The following PTPRN2 variants were observed in gnomAD, a reference collection of about 807,000 sequenced individuals.
PTPRN2 encodes the protein receptor-type tyrosine-protein phosphatase N2.
PTPRN2 carries 74 observed loss-of-function variants against 118.8 expected under a neutral mutation model. The ratio of observed to expected loss-of-function variants is 0.62; its 90% confidence interval spans 0.52 to 0.76. PTPRN2 has a LOEUF of 0.76. Among genes scored for constraint, PTPRN2 ranks in the 30% least tolerant of loss-of-function variants. The pLI is 0.00. For synonymous variants in PTPRN2, 641 were observed against 608.0 expected, an observed-to-expected ratio of 1.05 and a Z score of -0.80; for missense variants, 1,481 against 1,394.4, an observed-to-expected ratio of 1.06 and a Z score of -0.99.
chr7:157,890,269 T>C (rs1207227247), intron 12 of PTPRN2, among the ~76,000 whole-genome samples: 1 of 152,188 alleles, frequency 6.6e-6, no homozygotes, highest in Non-Finnish European at 1.5e-5. Flanking sequence ...AGTGTACGTA[T>C]ATGAGTTTTA....
At chr7:158,399,640 A>G (rs773410574) in intron 2 of PTPRN2, among the ~76,000 whole-genome samples, 25 of 152,164 alleles carry the variant, frequency 1.6e-4, no homozygotes, top group Non-Finnish European at 3.7e-4. Flanking sequence ...TGGGTGATAA[A>G]GCAAGATCCT....
intron 3 of PTPRN2, among the ~76,000 whole-genome samples, chr7:158,246,546 C>T (rs1253906552): frequency 6.6e-6 from 1 of 151,112 alleles, no homozygotes; most frequent in Non-Finnish European, 1.5e-5. Context: ...CGTGGGTGGT[C>T]ATTGTCCTTG....
At position 157,874,883 on chromosome 7, in the gene PTPRN2, G is replaced by C. The variant is rs888455945; in HGVS notation, c.1788+23790C>G. Reference sequence around the variant, plus strand: ...GACACACTCGTGCACATACACACACGGAGACACACTCGTGCACATACACAC... The same window carrying C: ...GACACACTCGTGCACATACACACACCGAGACACACTCGTGCACATACACAC... On this transcript the variant is annotated intron_variant, in intron 12 of 22. Transcript: ENST00000389418. This position sits in a 1 kb window ranked among gnomAD's most constrained non-coding sequence, Gnocchi z 5.8. 2.7e-5 allele frequency among the ~76,000 whole-genome samples: 4 copies of C among 149,430 alleles called. No individual in the cohort carries two copies. The highest frequency in any genetic ancestry group is 9.9e-5 in the African/African-American group (4 of 40,454).
In PTPRN2 at chr7:157,927,465, T is replaced by G. The variant is rs112568416; in HGVS notation, c.1724-28728A>C. On this transcript the variant is annotated intron_variant, in intron 11 of 22. Transcript: ENST00000389418. ...CCAAGACAGGAAGCCCCAGGGACCC[T>G]TCTGAGAACAGAGACCTCACATCTG... Among the ~76,000 whole-genome samples, 478 of 53,274 alleles carry G rather than the reference T, an allele frequency of 9.0e-3. 2 individuals are homozygous for G. Among genetic ancestry groups the G allele is most frequent in the African/African-American group, 0.064 (403 of 6,256 alleles). The allele number at this position is 53,274 out of a possible 152,430, so 34.9% of individuals were successfully genotyped here.
At chr7:158,163,734 G>A (rs1822594643) in intron 6 of PTPRN2, among the ~76,000 whole-genome samples, 1 of 148,160 alleles carries the variant, frequency 6.7e-6, no homozygotes, top group African/African-American at 2.5e-5. Flanking sequence ...GCCTGTACCG[G>A]GTTCTCAATT....
Position 157,676,427 on chromosome 7 carries a change from C to T in PTPRN2, c.2001+6298G>A, listed in dbSNP as rs988816208. On this transcript the variant is annotated intron_variant, in intron 13 of 22. Coordinates refer to ENST00000389418, the MANE Select transcript of PTPRN2 (RefSeq NM_002847.5). This position sits in a 1 kb window ranked among gnomAD's most constrained non-coding sequence, Gnocchi z 5.6. ...TGATGCGTGGACTAATGCTGTTTAC[C>T]GCCGGTTCACTTTCATTGCAAACTC... Among the ~76,000 whole-genome samples, 4 of 152,320 alleles carry T rather than the reference C, an allele frequency of 2.6e-5. No individual in the cohort carries two copies. The highest frequency in any genetic ancestry group is 7.2e-5 in the African/African-American group (3 of 41,568).
At chr7:158,072,082 GGTGGAGGTGCTCGTAGT>G (rs1203076929) in intron 11 of PTPRN2, among the ~76,000 whole-genome samples, 1 of 132,574 alleles carries the variant, frequency 7.5e-6, no homozygotes, top group Admixed American at 7.5e-5. Flanking sequence ...TGCTCGTGGT[GGTGGAGGTGCTCGTAGT>G]ATGGAGGTGC....
chr7:158,164,383 G>A (rs61642895), intron 6 of PTPRN2, among the ~76,000 whole-genome samples: 2 of 30,928 alleles, frequency 6.5e-5, no homozygotes, highest in African/African-American at 1.4e-4. Flanking sequence ...AGGGTGCGTA[G>A]GAAGGACACG....
At chr7:158,468,551 C>G (rs1819549598) in intron 2 of PTPRN2, among the ~76,000 whole-genome samples, 1 of 150,122 alleles carries the variant, frequency 6.7e-6, no homozygotes. Flanking sequence ...CACTATTTTT[C>G]AAAGCTTCCA....
chr7:158,066,735 A>G (rs1810805964), intron 11 of PTPRN2, among the ~76,000 whole-genome samples: 1 of 151,866 alleles, frequency 6.6e-6, no homozygotes, highest in Non-Finnish European at 1.5e-5. Flanking sequence ...ACTTTATGGG[A>G]AAATTAATAA....
In PTPRN2 at chr7:157,800,869, G is replaced by A. The variant is rs183623304; in HGVS notation, c.1788+97804C>T. 4.8e-3 allele frequency among the ~76,000 whole-genome samples: 727 copies of A among 151,774 alleles called. 1 individual carries two copies. Among genetic ancestry groups the A allele is most frequent in the Admixed American group, 8.2e-3 (125 of 15,246 alleles). ...CAGGAGGCTGAGGCAGGAGAATGGC[G>A]TGAACCCGGGAGGCGGAGCTTGCAG... On this transcript the variant is annotated intron_variant, in intron 12 of 22. Transcript: ENST00000389418.
At chr7:158,321,142 C>T (rs1011108830) in intron 2 of PTPRN2, among the ~76,000 whole-genome samples, 3 of 152,056 alleles carry the variant, frequency 2.0e-5, no homozygotes, top group Admixed American at 6.6e-5. Flanking sequence ...GCAGGGGTGC[C>T]GGAGCCAGAG....
At chr7:158,144,252 C>T (rs1291832839) in intron 6 of PTPRN2, among the ~76,000 whole-genome samples, 1 of 152,144 alleles carries the variant, frequency 6.6e-6, no homozygotes, top group African/African-American at 2.4e-5. Flanking sequence ...TTTCTGAGCC[C>T]CCCAAGGTTT....
At chr7:157,912,451 T>A (rs921272884) in intron 11 of PTPRN2, among the ~76,000 whole-genome samples, 1 of 152,222 alleles carries the variant, frequency 6.6e-6, no homozygotes, top group Non-Finnish European at 1.5e-5. Context: ...AACTATCATA[T>A]CTCAGTTTGT....
At position 158,337,244 on chromosome 7, in the gene PTPRN2, A is replaced by G. The variant is rs1211265178; in HGVS notation, c.164-20312T>C. Among the ~76,000 whole-genome samples the G allele has an allele frequency of 3.3e-5, 5 of 151,580 alleles. No individual in the cohort carries two copies. The East Asian group carries it at 5.9e-4, about 18-fold the overall frequency. ...CGTCACTAACACCCACATTCTCACC[A>G]TAAGAGCTGACACCTGCAGACGTCA... is the stretch of plus-strand genomic sequence containing the variant. On this transcript the variant is annotated intron_variant, in intron 2 of 22. Coordinates refer to ENST00000389418, the MANE Select transcript of PTPRN2 (RefSeq NM_002847.5).
intron 1 of PTPRN2, among the ~76,000 whole-genome samples, chr7:158,547,195 AT>A (rs1488968290): frequency 6.6e-6 from 1 of 152,144 alleles, no homozygotes; most frequent in African/African-American, 2.4e-5. Flanking sequence ...AAAATTTACT[AT>A]CTTATCAGTT....
intron 3 of PTPRN2, among the ~76,000 whole-genome samples, chr7:158,255,729 C>A (rs548250925): frequency 7.4e-6 from 1 of 134,590 alleles, no homozygotes; most frequent in African/African-American, 2.7e-5. Flanking sequence ...GGCCCTGACC[C>A]ACCCTCCCAC....
intron 12 of PTPRN2, among the ~76,000 whole-genome samples, chr7:157,840,004 CTGTG>C (rs1256513345): frequency 5.6e-5 from 8 of 143,530 alleles, no homozygotes; most frequent in Admixed American, 7.0e-5. Flanking sequence ...CCGTGTGTGA[CTGTG>C]TGTGACTGTG....
chr7:158,227,042 G>A (rs1041712837), intron 3 of PTPRN2, among the ~76,000 whole-genome samples: 8 of 152,116 alleles, frequency 5.3e-5, no homozygotes, highest in African/African-American at 1.9e-4. Context: ...CTCCAGGAGA[G>A]GACCCTGGGT....
Sources: allele counts gnomAD v4.1 joint callset (sites outside exome capture counted in the v4.1 genomes callset), GRCh38; gene constraint gnomAD v4.1.1; non-coding constraint Gnocchi (gnomAD v3.1); transcripts MANE v1.5; gene names NCBI Gene and HGNC (gene_info 2026-07-23, HGNC 2026-07-21).